The following DLGAP1 variants were observed in gnomAD, a reference collection of about 807,000 sequenced individuals.
DLGAP1 encodes DLG associated protein 1.
In DLGAP1, 11 loss-of-function variants were observed where a neutral mutation model predicts 90.8. That is an observed-to-expected ratio of 0.12 (90% CI 0.08 to 0.20). The LOEUF (loss-of-function observed/expected upper bound fraction) is 0.20, where lower values mean the gene tolerates loss of function less well. Among genes scored for constraint, DLGAP1 ranks in the 10% least tolerant of loss-of-function variants. DLGAP1 has a pLI of 1.00. For missense variants in DLGAP1, 1,050 were observed against 1,333.8 expected, an observed-to-expected ratio of 0.79 and a Z score of 3.31; for synonymous variants, 558 against 540.7, an observed-to-expected ratio of 1.03 and a Z score of -0.44.
At chr18:3,679,970 G>C (rs892167920) in intron 7 of DLGAP1, 2 of 151,902 alleles carry the variant, frequency 1.3e-5, no homozygotes, top group Admixed American at 1.3e-4. Flanking sequence ...ACAGACGTGA[G>C]CCACCATGCC....
At chr18:3,712,532 G>A (rs867153974) in intron 7 of DLGAP1, among the ~76,000 whole-genome samples, 1 of 152,206 alleles carries the variant, frequency 6.6e-6, no homozygotes, top group Non-Finnish European at 1.5e-5. Context: ...CAGTTATTAA[G>A]AGCTAATAGG....
intron 1 of DLGAP1, among the ~76,000 whole-genome samples, chr18:4,358,257 A>T (rs1454537875): frequency 6.6e-6 from 1 of 152,256 alleles, no homozygotes; most frequent in Non-Finnish European, 1.5e-5. Context: ...CAGTGAATCT[A>T]ATAAAATAAG....
At chr18:3,767,397 AAT>A (rs2147972710) in intron 5 of DLGAP1, among the ~76,000 whole-genome samples, 1 of 152,244 alleles carries the variant, frequency 6.6e-6, no homozygotes, top group South Asian at 2.1e-4. Flanking sequence ...TTATAAAATG[AAT>A]TTTTATAAAG....
At chr18:4,223,149 A>G (rs1351651739) in intron 1 of DLGAP1, among the ~76,000 whole-genome samples, 1 of 152,106 alleles carries the variant, frequency 6.6e-6, no homozygotes, top group Non-Finnish European at 1.5e-5. Flanking sequence ...ACGGTGTGTG[A>G]AGCATTTAGT....
At chr18:4,061,290 G>T (rs2075294403) in intron 2 of DLGAP1, among the ~76,000 whole-genome samples, 1 of 152,070 alleles carries the variant, frequency 6.6e-6, no homozygotes, top group Non-Finnish European at 1.5e-5. Flanking sequence ...GAATTTTTTT[G>T]CCTAGTTTAG....
At chr18:3,628,263 C>T (rs147796340) in intron 7 of DLGAP1, among the ~76,000 whole-genome samples, 10 of 149,364 alleles carry the variant, frequency 6.7e-5, no homozygotes, top group African/African-American at 1.2e-4. Context: ...GATCTTGGCT[C>T]GCTGTAACCT....
chr18:3,553,101 G>T (rs1350074569), intron 9 of DLGAP1, among the ~76,000 whole-genome samples: 2 of 151,746 alleles, frequency 1.3e-5, no homozygotes, highest in African/African-American at 4.8e-5. Context: ...TCTTTAAACA[G>T]AAATCATCTA....
chr18:3,874,196 A>G, intron 4 of DLGAP1: 12 of 1,550,168 alleles, frequency 7.7e-6, no homozygotes, highest in Non-Finnish European at 1.0e-5. Flanking sequence ...CACAAACTGA[A>G]GAAACCCACT....
intron 1 of DLGAP1, among the ~76,000 whole-genome samples, chr18:4,284,916 A>T (rs1180542501): frequency 6.6e-6 from 1 of 152,266 alleles, no homozygotes; most frequent in East Asian, 1.9e-4. Context: ...GATTTCTGAG[A>T]GTCACTTTTC....
At chr18:3,693,805 G>A (rs1026247805) in intron 7 of DLGAP1, among the ~76,000 whole-genome samples, 30 of 152,334 alleles carry the variant, frequency 2.0e-4, no homozygotes, top group African/African-American at 6.7e-4. Flanking sequence ...GGAGCATTTA[G>A]TCTCAGCATC....
chr18:4,344,396 T>C (rs987692469), intron 1 of DLGAP1, among the ~76,000 whole-genome samples: 2 of 152,048 alleles, frequency 1.3e-5, no homozygotes, highest in African/African-American at 4.8e-5. Flanking sequence ...CTTTCAGAAA[T>C]ATAACATGCC....
intron 2 of DLGAP1, among the ~76,000 whole-genome samples, chr18:4,060,246 G>A (rs2075280148): frequency 6.6e-6 from 1 of 152,192 alleles, no homozygotes; most frequent in South Asian, 2.1e-4. Flanking sequence ...TCTCTCTTGA[G>A]TTCAAGGGCT....
At chr18:4,117,388 G>GAA in intron 2 of DLGAP1, among the ~76,000 whole-genome samples, 4 of 152,154 alleles carry the variant, frequency 2.6e-5, no homozygotes, top group Non-Finnish European at 5.9e-5. Context: ...ATAATACATT[G>GAA]TAGCAACACT....
At chr18:3,580,560 A>C (rs2055433456) in intron 8 of DLGAP1, 3 of 1,594,732 alleles carry the variant, frequency 1.9e-6, no homozygotes, top group Non-Finnish European at 8.6e-7. Context: ...GCAGAGCCAG[A>C]GGAGGGCTCC....
chr18:3,876,447 T>C (rs2071007320), intron 4 of DLGAP1, among the ~76,000 whole-genome samples: 1 of 152,220 alleles, frequency 6.6e-6, no homozygotes, highest in African/African-American at 2.4e-5. Flanking sequence ...ATACATTCAA[T>C]ATCTATTAAT....
At chr18:4,392,305 T>C (rs2082355687) in intron 1 of DLGAP1, among the ~76,000 whole-genome samples, 1 of 152,142 alleles carries the variant, frequency 6.6e-6, no homozygotes, top group African/African-American at 2.4e-5. Flanking sequence ...GGGACTTCTC[T>C]ACCTCCCCTT....
intron 2 of DLGAP1, among the ~76,000 whole-genome samples, chr18:4,099,593 G>A (rs111292655): frequency 4.7e-4 from 72 of 152,154 alleles, no homozygotes; most frequent in African/African-American, 1.7e-3. Flanking sequence ...TCAGGGAGTT[G>A]TAATCTTTTT....
At chr18:4,340,870 C>T (rs1249284173) in intron 1 of DLGAP1, among the ~76,000 whole-genome samples, 2 of 148,088 alleles carry the variant, frequency 1.4e-5, no homozygotes, top group Non-Finnish European at 1.5e-5. Flanking sequence ...GCAGCTCTCT[C>T]TGAATAAATC....
chr18:4,102,794 T>C (rs1265909213), intron 2 of DLGAP1, among the ~76,000 whole-genome samples: 1 of 152,226 alleles, frequency 6.6e-6, no homozygotes, highest in African/African-American at 2.4e-5. Context: ...GAATGTATTT[T>C]GGTATTTATT....
Sources: gnomAD v4.1 joint callset for allele counts (sites outside exome capture counted in the v4.1 genomes callset) on GRCh38, gnomAD v4.1.1 for gene constraint, MANE v1.5 for transcripts, NCBI Gene and HGNC (gene_info 2026-07-23, HGNC 2026-07-21) for gene names.